The following NF1 variants were observed in gnomAD, a reference collection of about 807,000 sequenced individuals.
NF1 encodes neurofibromin 1.
Under a neutral mutation model 325.7 loss-of-function variants are expected in NF1, and 122 were observed. That is an observed-to-expected ratio of 0.37 (90% CI 0.32 to 0.44). NF1 has a LOEUF of 0.44. Ranked by LOEUF, NF1 falls within the 20% of genes least tolerant of loss-of-function variation. The probability of loss-of-function intolerance (pLI) is 1.00; values close to 1 mark genes in which losing one functional copy is unlikely to be tolerated. For missense variants in NF1, 2,140 were observed against 3,415.4 expected, an observed-to-expected ratio of 0.63 and a Z score of 9.31; for synonymous variants, 1,091 against 1,186.0, an observed-to-expected ratio of 0.92 and a Z score of 1.65.
chr17:31,293,786 A>C (rs1186559299), intron 36 of NF1, among the ~76,000 whole-genome samples: 2 of 152,212 alleles, frequency 1.3e-5, no homozygotes, highest in Non-Finnish European at 2.9e-5. Flanking sequence ...CATCTCAGTT[A>C]TGCTGTCTTG....
intron 36 of NF1, chr17:31,295,956 T>G: frequency 6.2e-7 from 1 of 1,614,134 alleles, no homozygotes; most frequent in Non-Finnish European, 8.5e-7. Flanking sequence ...TCCAGATATT[T>G]AAGATTCCAC....
At chr17:31,335,274 T>TTATATATATATA (rs1172994332) in intron 40 of NF1, among the ~76,000 whole-genome samples, 1 of 6,700 alleles carries the variant, frequency 1.5e-4, no homozygotes, top group Non-Finnish European at 3.9e-4. Flanking sequence ...CAAGGCATAA[T>TTATATATATATA]TATATATATA....
At chr17:31,271,480 G>A (rs1388559945) in intron 36 of NF1, among the ~76,000 whole-genome samples, 2 of 152,174 alleles carry the variant, frequency 1.3e-5, no homozygotes, top group Non-Finnish European at 2.9e-5. Flanking sequence ...GACCGGGCAT[G>A]GTGGCTCACA....
chr17:31,336,589 G>A lies in NF1; in HGVS notation c.6148-46G>A, dbSNP rs2069675567. On this transcript the variant is annotated intron_variant, in intron 41 of 57. Coordinates refer to ENST00000358273, the MANE Select transcript of NF1 (RefSeq NM_001042492.3). The surrounding 1 kb of genome is among the most constrained non-coding windows in gnomAD (Gnocchi z 5.5). ...GAACTTTTTTGTGCTAAAACTTTGA[G>A]TCCCATGTTTTTTTTTTTAAAAAAA... The A allele has an allele frequency of 6.5e-7, 1 of 1,549,194 alleles. No homozygotes were observed. The highest frequency in any genetic ancestry group is 8.7e-7 in the Non-Finnish European group (1 of 1,151,894).
chr17:31,265,931 C>T (rs2067779438), intron 36 of NF1, among the ~76,000 whole-genome samples: 2 of 152,100 alleles, frequency 1.3e-5, no homozygotes, highest in South Asian at 4.2e-4. Context: ...ATGATGCTTG[C>T]CTTGCTTTCC....
At chr17:31,212,874 G>A (rs1485163883) in intron 12 of NF1, among the ~76,000 whole-genome samples, 1 of 152,050 alleles carries the variant, frequency 6.6e-6, no homozygotes, top group Non-Finnish European at 1.5e-5. Context: ...CATTGTGCTT[G>A]GACATCACGA....
intron 36 of NF1, chr17:31,313,910 TA>T: frequency 2.5e-6 from 1 of 396,474 alleles, no homozygotes; most frequent in Non-Finnish European, 4.4e-6. Context: ...TTTAAAACAC[TA>T]ATGACAGTTT....
intron 23 of NF1, 119 bp from the exon 24 acceptor site, chr17:31,230,723 C>A (rs1305939821): frequency 1.5e-5 from 12 of 809,082 alleles, no homozygotes; most frequent in Non-Finnish European, 1.7e-5. Context: ...ATAAAGTCGT[C>A]ATGTCACTTA....
intron 5 of NF1, among the ~76,000 whole-genome samples, chr17:31,173,757 A>G (rs1380339481): frequency 6.6e-6 from 1 of 152,260 alleles, no homozygotes; most frequent in Non-Finnish European, 1.5e-5. Flanking sequence ...GGAAAATGAT[A>G]AATTCAGTTT....
chr17:31,352,947 C>T (rs1348239525), intron 51 of NF1, among the ~76,000 whole-genome samples: 1 of 151,970 alleles, frequency 6.6e-6, no homozygotes, highest in Non-Finnish European at 1.5e-5. Flanking sequence ...TTGTTCTGTT[C>T]ACCCAGGCTG....
chr17:31,335,938 C>T (rs541941436), intron 40 of NF1, among the ~76,000 whole-genome samples: 11 of 151,572 alleles, frequency 7.3e-5, no homozygotes, highest in Non-Finnish European at 1.6e-4. Context: ...GCAATCCGCC[C>T]GCCTCAGCCT....
intron 50 of NF1, among the ~76,000 whole-genome samples, chr17:31,350,874 A>AT (rs912815809): frequency 4.2e-4 from 64 of 152,242 alleles, no homozygotes; most frequent in Admixed American, 2.7e-3. Context: ...ATTTTTCTGT[A>AT]TTTTCAATTA....
Position 31,242,305 on chromosome 17 carries a change from C to CTTTTTTTTTTTTTT in NF1, c.3974+6298_3974+6311dup, listed in dbSNP as rs200376987. 5.8e-5 allele frequency among the ~76,000 whole-genome samples: 4 copies of CTTTTTTTTTTTTTT among 68,860 alleles called. 1 individual carries two copies. Among genetic ancestry groups the CTTTTTTTTTTTTTT allele is most frequent in the African/African-American group, 1.9e-4 (3 of 16,008 alleles). 45.2% of individuals were successfully genotyped at this position (68,860 alleles called of 152,430 possible). On this transcript the variant is annotated intron_variant, in intron 29 of 57. Coordinates refer to ENST00000358273, the MANE Select transcript of NF1 (RefSeq NM_001042492.3). The stretch of plus-strand genomic sequence containing the variant: ...TCTTTCCCTAGGTTTCATAAGTTCT[C>CTTTTTTTTTTTTTT]TTTTTTTTTTTTTTTTTTTTTTTTT...
intron 36 of NF1, among the ~76,000 whole-genome samples, chr17:31,287,908 A>G (rs2068267147): frequency 7.9e-6 from 1 of 126,496 alleles, no homozygotes; most frequent in Admixed American, 9.4e-5. Flanking sequence ...AGGAAGGGGA[A>G]CATCACACTC....
At chr17:31,360,325 A>G (rs1207087633) in intron 56 of NF1, 162 bp from the exon 57 acceptor site, 8 of 663,504 alleles carry the variant, frequency 1.2e-5, no homozygotes, top group East Asian at 8.1e-5. Flanking sequence ...TGTAAGTCCT[A>G]TGGTAGTCTA....
chr17:31,267,597 T>G (rs1427174017), intron 36 of NF1, among the ~76,000 whole-genome samples: 1 of 152,220 alleles, frequency 6.6e-6, no homozygotes, highest in African/African-American at 2.4e-5. Flanking sequence ...GCCGTCAGTT[T>G]TGTCAAAGAG....
chr17:31,301,349 T>C (rs1324019502), intron 36 of NF1, among the ~76,000 whole-genome samples: 4 of 152,116 alleles, frequency 2.6e-5, no homozygotes, highest in Non-Finnish European at 1.5e-5. Context: ...GAAGTATGGA[T>C]CAAATTTTTT....
At chr17:31,319,007 T>G (rs762858099) in intron 36 of NF1, 1 of 1,598,864 alleles carries the variant, frequency 6.3e-7, no homozygotes, top group Non-Finnish European at 8.5e-7. Context: ...TCCATGTCCG[T>G]GGGCATGCTT....
intron 1 of NF1, among the ~76,000 whole-genome samples, chr17:31,116,805 C>T (rs1232412584): frequency 6.7e-6 from 1 of 150,080 alleles, no homozygotes; most frequent in Non-Finnish European, 1.5e-5. Context: ...GTAGCTGGGA[C>T]TACAGGTGCC....
Sources: allele counts gnomAD v4.1 joint callset (sites outside exome capture counted in the v4.1 genomes callset), GRCh38; gene constraint gnomAD v4.1.1; non-coding constraint Gnocchi (gnomAD v3.1); transcripts MANE v1.5; gene names NCBI Gene and HGNC (gene_info 2026-07-23, HGNC 2026-07-21).